Variants in MYOM3 observed in about 807,000 individuals in gnomAD.
The protein encoded by MYOM3 is myomesin-3.
In MYOM3, 155 loss-of-function variants were observed where a neutral mutation model predicts 191.7. That is an observed-to-expected ratio of 0.81 (90% CI 0.71 to 0.92). The LOEUF (loss-of-function observed/expected upper bound fraction) is 0.92, where lower values mean the gene tolerates loss of function less well. MYOM3 is among the 40% of genes least tolerant of loss of function. MYOM3 has a pLI of 0.00. For synonymous variants in MYOM3, 757 were observed against 762.9 expected (o/e 0.99, Z 0.13); for missense variants, 1,889 against 1,890.6 (o/e 1.00, Z 0.02).
chr1:24,063,020 A>ACTCTGCTTGGGGG lies in MYOM3; in HGVS notation c.3770+105_3770+106insCCCCCAAGCAGAG. The ACTCTGCTTGGGGG allele has an allele frequency of 1.1e-5, 1 of 90,474 alleles. No individual in the cohort carries two copies. The highest frequency in any genetic ancestry group is 1.3e-4 in the South Asian group (1 of 7,428). The allele number at this position is 90,474 out of a possible 1,614,324, so 5.6% of individuals were successfully genotyped here. ...GACCAGGCTCTGCTTGGGGGACCAGAAACTCTGCTTGGAGGACCAGGCAGG... is the reference window on the plus strand; with the variant it reads ...GACCAGGCTCTGCTTGGGGGACCAGACTCTGCTTGGGGGAACTCTGCTTGGAGGACCAGGCAGG... On this transcript the variant is annotated intron_variant, in intron 32 of 36. Transcript: ENST00000374434. The surrounding 1 kb of genome is among the most constrained non-coding windows in gnomAD (Gnocchi z 4.5).
Position 24,082,544 on chromosome 1 carries a change from C to T in MYOM3, c.2092+49G>A, listed in dbSNP as rs747201768. On this transcript the variant is annotated intron_variant, in intron 17 of 36. Coordinates refer to ENST00000374434, the MANE Select transcript of MYOM3 (RefSeq NM_152372.4). ...AGATGTGATCTATGAGCCCCAGCTC[C>T]CTGCCCAGCCCAGGGAGGTTTGCAG... The T allele has an allele frequency of 3.9e-6, 6 of 1,519,564 alleles. No individual in the cohort carries two copies. The South Asian group carries it at 7.8e-5, about 20-fold the overall frequency. 94.1% of individuals were successfully genotyped at this position (1,519,564 alleles called of 1,614,324 possible). A position where few individuals can be genotyped will look rare whatever the true frequency, so the allele number is the denominator to read the frequency against.
rs1644036174 is a variant in MYOM3, at chr1:24,111,262, C to T, written c.-19+769G>A. On this transcript the variant is annotated intron_variant, in intron 1 of 36. Coordinates refer to ENST00000374434, the MANE Select transcript of MYOM3 (RefSeq NM_152372.4). The surrounding 1 kb of genome is among the most constrained non-coding windows in gnomAD (Gnocchi z 4.7). ...CAGAGGTCCCACTGCGTGGCCTTCC[C>T]TATTCCCCTCTGCTTTCCTCCCAAG... Among the ~76,000 whole-genome samples, 2 of 152,234 alleles carry T rather than the reference C, an allele frequency of 1.3e-5. No homozygotes were observed. The highest frequency in any genetic ancestry group is 6.5e-5 in the Admixed American group (1 of 15,290).
intron 32 of MYOM3, among the ~76,000 whole-genome samples, chr1:24,062,516 C>T (rs1643383371): frequency 1.3e-5 from 2 of 152,154 alleles, no homozygotes; most frequent in African/African-American, 4.8e-5. Flanking sequence ...GCAGTAATGT[C>T]TGCTCCACAA....
chr1:24,070,485 G>A (rs1404611565), intron 25 of MYOM3, among the ~76,000 whole-genome samples: 1 of 152,116 alleles, frequency 6.6e-6, no homozygotes, highest in East Asian at 1.9e-4. Context: ...CTACTCGGGA[G>A]GCTGAGGTGG....
intron 5 of MYOM3, among the ~76,000 whole-genome samples, chr1:24,100,323 C>G (rs1035023584): frequency 1.3e-5 from 2 of 152,172 alleles, no homozygotes; most frequent in Non-Finnish European, 2.9e-5. Flanking sequence ...GCTTATAAAG[C>G]CTTTCCCCTG....
Position 24,111,212 on chromosome 1 carries a change from T to G in MYOM3, c.-19+819A>C, listed in dbSNP as rs987902445. Among the ~76,000 whole-genome samples, 2 of 152,188 alleles carry G rather than the reference T, an allele frequency of 1.3e-5. No homozygotes were observed. The highest frequency in any genetic ancestry group is 2.4e-5 in the African/African-American group (1 of 41,444). ...GGAGGGGAAACTGCCCCCGCTTCCC[T>G]CTCTTGGGGTGCAAAAATCTGGGCC... On this transcript the variant is annotated intron_variant, in intron 1 of 36. Transcript: ENST00000374434. The surrounding 1 kb of genome is among the most constrained non-coding windows in gnomAD (Gnocchi z 4.7).
chr1:24,095,539 A>G, intron 7 of MYOM3, 53 bp from the exon 8 acceptor site: 10 of 1,544,014 alleles, frequency 6.5e-6, no homozygotes, highest in South Asian at 3.4e-5. Context: ...CCACATTCCT[A>G]TGCTATTTTG....
chr1:24,063,455 G>A lies in MYOM3; in HGVS notation c.3661+37C>T. 2 of 1,612,872 alleles carry A rather than the reference G, an allele frequency of 1.2e-6. No homozygotes were observed. The highest frequency in any genetic ancestry group is 1.7e-6 in the Non-Finnish European group (2 of 1,178,928). ...CTGCTTGGAGGCTGTTGGGCATCAGGGCAGGGCAGGGCTGGGCAAAGAGGC... is the reference window on the plus strand; with the variant it reads ...CTGCTTGGAGGCTGTTGGGCATCAGAGCAGGGCAGGGCTGGGCAAAGAGGC... On this transcript the variant is annotated intron_variant, in intron 31 of 36. Transcript: ENST00000374434. The surrounding 1 kb of genome is among the most constrained non-coding windows in gnomAD (Gnocchi z 4.5).
rs565775748 is a variant in MYOM3 at position 24,108,508 on chromosome 1, G to A, written c.129C>T (p.Gly43=). 1.3e-6 allele frequency: 2 copies of A among 1,579,516 alleles called. No individual in the cohort carries two copies. Among genetic ancestry groups the A allele is most frequent in the East Asian group, 2.3e-5 (1 of 43,162 alleles). Reference sequence around the variant, plus strand: ...GGAAGGTCCGCCTCCGCACAGAGGAGCCCATGCGCAGGCTGTGCTGCCGCT... The same window carrying A: ...GGAAGGTCCGCCTCCGCACAGAGGAACCCATGCGCAGGCTGTGCTGCCGCT... The part of the protein sequence containing the change: ...KEERQHSLRM[G]SSVRRRTFRS... Residue 43 remains glycine, a synonymous_variant, in exon 2 of 37, where the codon GGC becomes GGT. Transcript: ENST00000374434.
In MYOM3 at chr1:24,057,321, G is replaced by A; in HGVS notation, c.*43C>T. 6.3e-7 allele frequency: 1 copy of A among 1,585,174 alleles called. No individual in the cohort carries two copies. ...GACCCTGGTACAGGTTGTCCCTACTGGTCCATGTAGACTAGACTCAGACTG... is the reference window on the plus strand; with the variant it reads ...GACCCTGGTACAGGTTGTCCCTACTAGTCCATGTAGACTAGACTCAGACTG... On this transcript the variant is annotated 3_prime_UTR_variant, in exon 37 of 37. Transcript: ENST00000374434.
chr1:24,063,379 G>T lies in MYOM3; in HGVS notation c.3661+113C>A. On this transcript the variant is annotated intron_variant, in intron 31 of 36. Transcript: ENST00000374434. This position sits in a 1 kb window ranked among gnomAD's most constrained non-coding sequence, Gnocchi z 4.5. Reference sequence around the variant, plus strand: ...GAAGAGGCGGGATTTTCTCTTCGGTGTTTGAGGTTAGAAACTAAACCCACC... The same window carrying T: ...GAAGAGGCGGGATTTTCTCTTCGGTTTTTGAGGTTAGAAACTAAACCCACC... 3 of 1,444,320 alleles carry T rather than the reference G, an allele frequency of 2.1e-6. No individual in the cohort carries two copies. The highest frequency in any genetic ancestry group is 2.9e-6 in the Non-Finnish European group (3 of 1,028,068). 89.5% of individuals were successfully genotyped at this position (1,444,320 alleles called of 1,614,324 possible).
At chr1:24,103,059 T>C (rs561822961) in intron 5 of MYOM3, among the ~76,000 whole-genome samples, 20 of 152,354 alleles carry the variant, frequency 1.3e-4, no homozygotes, top group African/African-American at 4.8e-4. Flanking sequence ...GGACCTGGGC[T>C]TGGCTTCTGC....
intron 25 of MYOM3, among the ~76,000 whole-genome samples, chr1:24,069,929 G>C (rs1324216604): frequency 3.3e-5 from 5 of 151,188 alleles, no homozygotes; most frequent in Non-Finnish European, 2.9e-5. Flanking sequence ...ATTTTCTAAT[G>C]GCTGCTTTGC....
At chr1:24,092,386 G>T (rs1045027677) in intron 10 of MYOM3, 71 bp from the exon 11 acceptor site, 56 of 1,277,284 alleles carry the variant, frequency 4.4e-5, no homozygotes, top group Non-Finnish European at 5.6e-5. Context: ...TCCCACTCCC[G>T]CCCAGCATCC....
intron 25 of MYOM3, 77 bp downstream of exon 25, chr1:24,071,040 C>T: frequency 6.5e-7 from 1 of 1,539,922 alleles, no homozygotes; most frequent in Non-Finnish European, 8.9e-7. Flanking sequence ...AGTACCAGCC[C>T]ATGCGGAATC....
intron 25 of MYOM3, 149 bp from the exon 26 acceptor site, chr1:24,068,516 T>TC: frequency 7.4e-6 from 6 of 813,446 alleles, no homozygotes; most frequent in Admixed American, 2.5e-5. Context: ...CCTCTGCTGC[T>TC]CCCCCCACAC....
At chr1:24,095,595 G>C (rs991332587) in intron 7 of MYOM3, 109 bp from the exon 8 acceptor site, 3 of 911,044 alleles carry the variant, frequency 3.3e-6, no homozygotes, top group Non-Finnish European at 3.3e-6. Flanking sequence ...TCTGTTGGTG[G>C]CTTCCCCTTG....
At position 24,082,114 on chromosome 1, in the gene MYOM3, G is replaced by A. The variant is rs1643677678; in HGVS notation, c.2167C>T (p.Pro723Ser). The A allele has an allele frequency of 6.2e-7, 1 of 1,613,812 alleles. No homozygotes were observed. The highest frequency in any genetic ancestry group is 1.7e-5 in the Admixed American group (1 of 60,002). Residue 723 changes from proline to serine, a missense_variant, in exon 18 of 37, where the codon CCC becomes TCC. Physicochemically the swap from Pro to Ser is moderately conservative, Grantham distance 74 (BLOSUM62 -1). Coordinates refer to ENST00000374434, the MANE Select transcript of MYOM3 (RefSeq NM_152372.4). ...ATCTTGCCACCTCCACGACGCTTGGGGGGTTTCCACCCAATGACCATTTCA... is the reference window on the plus strand; with the variant it reads ...ATCTTGCCACCTCCACGACGCTTGGAGGGTTTCCACCCAATGACCATTTCA... ...KNEMVIGWKPPKRRGGGKILG... is the reference protein window; with the variant it reads ...KNEMVIGWKPSKRRGGGKILG...
intron 12 of MYOM3, 103 bp downstream of exon 12, chr1:24,090,694 C>T: frequency 8.4e-7 from 1 of 1,186,580 alleles, no homozygotes; most frequent in Non-Finnish European, 1.2e-6. Context: ...GCTTCCTCCA[C>T]CAGACTCGGG....
Sources: gnomAD v4.1 joint callset for allele counts (sites outside exome capture counted in the v4.1 genomes callset) on GRCh38, gnomAD v4.1.1 for gene constraint, Gnocchi (gnomAD v3.1) non-coding constraint, MANE v1.5 for transcripts, NCBI Gene and HGNC (gene_info 2026-07-23, HGNC 2026-07-21) for gene names.